ADAMTSL1: variants seen among roughly 807,000 people sequenced by gnomAD.
The protein encoded by ADAMTSL1 is ADAMTS-like protein 1.
Under a neutral mutation model 201.8 loss-of-function variants are expected in ADAMTSL1, and 126 were observed. The observed-to-expected ratio is 0.62, with a 90% confidence interval of 0.54 to 0.72. ADAMTSL1 has a LOEUF of 0.72. ADAMTSL1 is among the 30% of genes least tolerant of loss of function. ADAMTSL1 has a pLI of 0.00. For synonymous variants in ADAMTSL1, 1,121 were observed against 903.4 expected (o/e 1.24, Z -4.32); for missense variants, 2,679 against 2,277.8 (o/e 1.18, Z -3.59).
At chr9:18,741,963 T>A (rs1818855212) in intron 15 of ADAMTSL1, among the ~76,000 whole-genome samples, 2 of 152,204 alleles carry the variant, frequency 1.3e-5, no homozygotes, top group African/African-American at 4.8e-5. Flanking sequence ...TTGATTGGAT[T>A]TACTGCCATT....
rs983342129 is a variant in ADAMTSL1 at position 18,388,609 on chromosome 9, C to CT, written c.208-116209dup. On this transcript the variant is annotated intron_variant, in intron 2 of 29. Transcript: ENST00000680146. The stretch of plus-strand genomic sequence containing the variant: ...ATTTAACAGAATTTTCCTTTGCTGC[C>CT]TTTTTTTTTTTGTTTTAATTGCTTC... 3.6e-3 allele frequency among the ~76,000 whole-genome samples: 519 copies of CT among 143,068 alleles called. 2 individuals carry two copies. The highest frequency in any genetic ancestry group is 0.011 in the South Asian group (49 of 4,504). The allele number at this position is 143,068 out of a possible 152,430, so 93.9% of individuals were successfully genotyped here. A position where few individuals can be genotyped will look rare whatever the true frequency, so the allele number is the denominator to read the frequency against.
chr9:18,662,762 A>G (rs1829182066), intron 9 of ADAMTSL1, among the ~76,000 whole-genome samples: 4 of 152,240 alleles, frequency 2.6e-5, no homozygotes, highest in African/African-American at 7.2e-5. Flanking sequence ...TGAATGAATT[A>G]TCTCAAGTGA....
chr9:18,760,051 C>T (rs1819979790), intron 16 of ADAMTSL1, among the ~76,000 whole-genome samples: 1 of 152,112 alleles, frequency 6.6e-6, no homozygotes, highest in Non-Finnish European at 1.5e-5. Flanking sequence ...ACCTCAAACT[C>T]CAAAGGTCTA....
intron 20 of ADAMTSL1, among the ~76,000 whole-genome samples, chr9:18,797,265 A>T (rs553786183): frequency 1.3e-5 from 2 of 152,272 alleles, no homozygotes; most frequent in South Asian, 4.1e-4. Context: ...AAAGTCTATC[A>T]AGCAGTCCCT....
intron 1 of ADAMTSL1, among the ~76,000 whole-genome samples, chr9:18,084,325 C>A (rs1294310879): frequency 1.3e-5 from 2 of 151,466 alleles, no homozygotes; most frequent in East Asian, 3.9e-4. Flanking sequence ...AGTTAGAGAC[C>A]AGCCTGGTCA....
At chr9:18,507,130 T>G (rs908294874) in intron 2 of ADAMTSL1, among the ~76,000 whole-genome samples, 4 of 152,220 alleles carry the variant, frequency 2.6e-5, no homozygotes, top group African/African-American at 9.6e-5. Context: ...ACATCATTCT[T>G]CAATAGGATT....
intron 2 of ADAMTSL1, among the ~76,000 whole-genome samples, chr9:18,506,430 A>C (rs1182887282): frequency 6.6e-6 from 1 of 152,206 alleles, no homozygotes; most frequent in Non-Finnish European, 1.5e-5. Flanking sequence ...CACAAAACTG[A>C]TAAGAAACAA....
intron 15 of ADAMTSL1, among the ~76,000 whole-genome samples, chr9:18,726,322 G>A (rs1465709089): frequency 6.6e-6 from 1 of 152,080 alleles, no homozygotes; most frequent in African/African-American, 2.4e-5. Context: ...GGACAACATG[G>A]CAAAACCCTA....
intron 4 of ADAMTSL1, among the ~76,000 whole-genome samples, chr9:18,620,673 C>T (rs572571593): frequency 6.6e-6 from 1 of 152,262 alleles, no homozygotes; most frequent in South Asian, 2.1e-4. Context: ...CTGAAGTGGC[C>T]TCACTGCAGC....
chr9:18,688,689 A>AAAAAAAATATATAT (rs1554730404), intron 13 of ADAMTSL1, among the ~76,000 whole-genome samples: 1 of 8,650 alleles, frequency 1.2e-4, no homozygotes, highest in Non-Finnish European at 2.2e-4. Flanking sequence ...AAAAAAAAAA[A>AAAAAAAATATATAT]ATATATATAT....
At chr9:18,306,425 G>A (rs1203933156) in intron 2 of ADAMTSL1, among the ~76,000 whole-genome samples, 1 of 152,138 alleles carries the variant, frequency 6.6e-6, no homozygotes, top group Non-Finnish European at 1.5e-5. Context: ...CTAACCCAAT[G>A]CAAGGAAGCT....
At chr9:18,659,717 A>G (rs1018994437) in intron 8 of ADAMTSL1, among the ~76,000 whole-genome samples, 1 of 152,358 alleles carries the variant, frequency 6.6e-6, no homozygotes, top group African/African-American at 2.4e-5. Context: ...CAGTGAGCCA[A>G]GATCATGCCA....
intron 4 of ADAMTSL1, among the ~76,000 whole-genome samples, chr9:18,590,579 T>C (rs1823843381): frequency 6.6e-6 from 1 of 152,084 alleles, no homozygotes; most frequent in African/African-American, 2.4e-5. Context: ...TTGTTCTTTT[T>C]TTTCTAATTC....
chr9:17,999,737 A>G (rs574279570), intron 1 of ADAMTSL1, among the ~76,000 whole-genome samples: 29 of 149,898 alleles, frequency 1.9e-4, no homozygotes, highest in Non-Finnish European at 3.3e-4. Context: ...TGTATCTCCC[A>G]ATGCTATCCC....
chr9:18,022,371 G>A (rs1249968733), intron 1 of ADAMTSL1, among the ~76,000 whole-genome samples: 3 of 152,086 alleles, frequency 2.0e-5, no homozygotes, highest in East Asian at 1.9e-4. Flanking sequence ...CAAGATTATT[G>A]ATGCTCGGTT....
At chr9:17,979,401 A>G (rs1038582814) in intron 1 of ADAMTSL1, among the ~76,000 whole-genome samples, 1 of 152,064 alleles carries the variant, frequency 6.6e-6, no homozygotes, top group Non-Finnish European at 1.5e-5. Flanking sequence ...GGATAATTTC[A>G]AATGTCCTGT....
intron 23 of ADAMTSL1, among the ~76,000 whole-genome samples, chr9:18,876,339 T>C (rs1014398020): frequency 1.3e-5 from 2 of 151,088 alleles, no homozygotes; most frequent in African/African-American, 4.9e-5. Context: ...TGCGTGATTG[T>C]TTTATAGGTT....
At chr9:18,101,625 G>A (rs1824527097) in intron 1 of ADAMTSL1, among the ~76,000 whole-genome samples, 1 of 152,200 alleles carries the variant, frequency 6.6e-6, no homozygotes, top group South Asian at 2.1e-4. Context: ...CTCAGCAAAG[G>A]TCCTGGGAAG....
chr9:18,012,840 T>C (rs1259511763), intron 1 of ADAMTSL1, among the ~76,000 whole-genome samples: 1 of 151,906 alleles, frequency 6.6e-6, no homozygotes, highest in Non-Finnish European at 1.5e-5. Flanking sequence ...GAAGAAAAAA[T>C]AAAGAGTGAT....
Sources: gnomAD v4.1 joint callset for allele counts (sites outside exome capture counted in the v4.1 genomes callset) on GRCh38, gnomAD v4.1.1 for gene constraint, MANE v1.5 for transcripts, NCBI Gene and HGNC (gene_info 2026-07-23, HGNC 2026-07-21) for gene names.